CSMD1: variants seen among roughly 807,000 people sequenced by gnomAD.
The protein encoded by CSMD1 is CUB and Sushi multiple domains 1.
Under a neutral mutation model 417.5 loss-of-function variants are expected in CSMD1, and 213 were observed. That is an observed-to-expected ratio of 0.51 (90% CI 0.46 to 0.57). CSMD1 has a LOEUF of 0.57. CSMD1 is among the 20% of genes least tolerant of loss of function. The pLI, the probability that CSMD1 is intolerant of heterozygous loss-of-function variation, is 0.00. For synonymous variants in CSMD1, 2,862 were observed against 1,736.8 expected (o/e 1.65, Z -16.11); for missense variants, 6,923 against 4,529.7 (o/e 1.53, Z -15.17).
At chr8:3,934,825 C>T (rs1386019195) in intron 5 of CSMD1, among the ~76,000 whole-genome samples, 1 of 151,772 alleles carries the variant, frequency 6.6e-6, no homozygotes, top group African/African-American at 2.4e-5. Context: ...CCAGCCTGGG[C>T]AACAGAGCAA....
chr8:4,777,793 G>A (rs1485970021), intron 1 of CSMD1, among the ~76,000 whole-genome samples: 1 of 152,168 alleles, frequency 6.6e-6, no homozygotes, highest in Non-Finnish European at 1.5e-5. Context: ...GAGTAAACAT[G>A]ACCAGGGAAG....
chr8:4,172,631 T>G (rs1420315671), intron 3 of CSMD1, among the ~76,000 whole-genome samples: 1 of 152,196 alleles, frequency 6.6e-6, no homozygotes, highest in Non-Finnish European at 1.5e-5. Flanking sequence ...TCCTGGTATT[T>G]ATGAACTCCT....
intron 1 of CSMD1, among the ~76,000 whole-genome samples, chr8:4,812,305 G>A (rs988081113): frequency 1.3e-5 from 2 of 152,100 alleles, no homozygotes; most frequent in Admixed American, 1.3e-4. Flanking sequence ...TCCCAGTTTG[G>A]GATAGTGGCT....
At chr8:4,359,187 A>C (rs912757527) in intron 3 of CSMD1, among the ~76,000 whole-genome samples, 1 of 152,186 alleles carries the variant, frequency 6.6e-6, no homozygotes, top group Non-Finnish European at 1.5e-5. Context: ...GCAATTTCAC[A>C]AAAGTCCCAG....
chr8:3,855,026 C>A (rs1462545458), intron 5 of CSMD1, among the ~76,000 whole-genome samples: 1 of 152,024 alleles, frequency 6.6e-6, no homozygotes, highest in Non-Finnish European at 1.5e-5. Flanking sequence ...GAAATAAACA[C>A]AAAAACATGC....
At chr8:4,516,144 T>C (rs1348511703) in intron 2 of CSMD1, among the ~76,000 whole-genome samples, 1 of 152,034 alleles carries the variant, frequency 6.6e-6, no homozygotes, top group Non-Finnish European at 1.5e-5. Context: ...AAAGAGGTCA[T>C]GCAGGGGCCC....
intron 3 of CSMD1, among the ~76,000 whole-genome samples, chr8:4,241,708 CTTTTTTTTTTTTT>C (rs1214763051): frequency 5.2e-5 from 7 of 135,774 alleles, no homozygotes; most frequent in African/African-American, 1.6e-4. Flanking sequence ...TTTTTTTTTT[CTTTTTTTTTTTTT>C]GAGACGGAGT....
chr8:3,495,515 T>C (rs1370764145), intron 10 of CSMD1, among the ~76,000 whole-genome samples: 1 of 152,216 alleles, frequency 6.6e-6, no homozygotes, highest in African/African-American at 2.4e-5. Context: ...TCTTTGTCAG[T>C]ATTTCATCTC....
Position 4,826,389 on chromosome 8 carries a change from T to C in CSMD1, c.85+167943A>G, listed in dbSNP as rs112916476. Among the ~76,000 whole-genome samples the C allele has an allele frequency of 3.3e-3, 496 of 152,274 alleles. 7 individuals are homozygous for C. Among genetic ancestry groups the C allele is most frequent in the African/African-American group, 0.011 (462 of 41,562 alleles). On this transcript the variant is annotated intron_variant, in intron 1 of 69. Coordinates refer to ENST00000635120, the MANE Select transcript of CSMD1 (RefSeq NM_033225.6). ...TTTTTAAAAGACGCAATCCTGCATA[T>C]GCAACAGCATGGATGAGCCTGGAGG...
At chr8:4,700,621 C>T (rs1423294734) in intron 1 of CSMD1, among the ~76,000 whole-genome samples, 2 of 152,076 alleles carry the variant, frequency 1.3e-5, no homozygotes, top group East Asian at 3.9e-4. Flanking sequence ...ACAGAAACAA[C>T]TGACTCAATC....
At chr8:4,368,985 T>G (rs895763310) in intron 3 of CSMD1, among the ~76,000 whole-genome samples, 1 of 152,118 alleles carries the variant, frequency 6.6e-6, no homozygotes, top group Non-Finnish European at 1.5e-5. Context: ...TATTTTCTGC[T>G]ATGTTTGGGG....
At chr8:3,496,122 T>C (rs1014890943) in intron 10 of CSMD1, among the ~76,000 whole-genome samples, 6 of 152,208 alleles carry the variant, frequency 3.9e-5, no homozygotes, top group African/African-American at 9.7e-5. Flanking sequence ...TGTGTTCTCA[T>C]TGTTCAGCTC....
intron 10 of CSMD1, among the ~76,000 whole-genome samples, chr8:3,551,596 A>ATATTT (rs1261877187): frequency 1.8e-5 from 2 of 113,432 alleles, no homozygotes; most frequent in Non-Finnish European, 3.6e-5. Context: ...ATATATATAT[A>ATATTT]TTTTTTTTTT....
At chr8:4,027,599 C>A (rs189545622) in intron 4 of CSMD1, among the ~76,000 whole-genome samples, 101 of 152,276 alleles carry the variant, frequency 6.6e-4, no homozygotes, top group Non-Finnish European at 1.2e-3. Flanking sequence ...CGCAGCCATG[C>A]AGAACTGTGA....
chr8:3,239,852 G>A (rs1449130439), intron 26 of CSMD1, among the ~76,000 whole-genome samples: 2 of 152,102 alleles, frequency 1.3e-5, no homozygotes, highest in African/African-American at 4.8e-5. Context: ...TAGTCATAGG[G>A]GTCAGGTGTG....
chr8:4,844,900 G>A (rs1196933272), intron 1 of CSMD1, among the ~76,000 whole-genome samples: 17 of 152,110 alleles, frequency 1.1e-4, no homozygotes, highest in Admixed American at 1.1e-3. Flanking sequence ...CAGTATACAA[G>A]AGTATGGTTT....
At chr8:3,559,974 G>T (rs1436311921) in intron 10 of CSMD1, among the ~76,000 whole-genome samples, 2 of 152,106 alleles carry the variant, frequency 1.3e-5, no homozygotes, top group South Asian at 4.1e-4. Context: ...GAATGAAGGT[G>T]GGTTTTCTGG....
rs139658889 is a variant in CSMD1, at chr8:3,559,481, T to G, written c.1344+15464A>C. Among the ~76,000 whole-genome samples, 6 of 151,810 alleles carry G rather than the reference T, an allele frequency of 4.0e-5. No individual in the cohort carries two copies. The East Asian group carries it at 1.2e-3, about 29-fold the overall frequency. On this transcript the variant is annotated intron_variant, in intron 10 of 69. Coordinates refer to ENST00000635120, the MANE Select transcript of CSMD1 (RefSeq NM_033225.6). ...AAATGTGTGGAACATCATCTAAAATTTAAAGGCACCGTGAAGAAGAAGAAC... is the reference window on the plus strand; with the variant it reads ...AAATGTGTGGAACATCATCTAAAATGTAAAGGCACCGTGAAGAAGAAGAAC...
At chr8:4,562,594 A>G (rs2130617641) in intron 2 of CSMD1, among the ~76,000 whole-genome samples, 1 of 152,238 alleles carries the variant, frequency 6.6e-6, no homozygotes, top group South Asian at 2.1e-4. Flanking sequence ...CTGAAATAAT[A>G]TCTTTAAAAA....
Sources: gnomAD v4.1 joint callset for allele counts (sites outside exome capture counted in the v4.1 genomes callset) on GRCh38, gnomAD v4.1.1 for gene constraint, MANE v1.5 for transcripts, NCBI Gene and HGNC (gene_info 2026-07-23, HGNC 2026-07-21) for gene names.